Variants in SAMD13 observed in about 807,000 individuals in gnomAD.
SAMD13 encodes sterile alpha motif domain containing 13, also known as sterile alpha motif domain-containing protein 13.
In SAMD13, 9 loss-of-function variants were observed where a neutral mutation model predicts 12.4. The ratio of observed to expected loss-of-function variants is 0.72; its 90% CI spans 0.44 to 1.26. The LOEUF (loss-of-function observed/expected upper bound fraction) is 1.26. Among genes scored for constraint, SAMD13 ranks in the 50% most tolerant of loss-of-function variants. SAMD13 has a pLI of 0.00. For synonymous variants in SAMD13, 46 were observed against 45.4 expected, an observed-to-expected ratio of 1.01 and a Z score of -0.05; for missense variants, 84 against 119.6, an observed-to-expected ratio of 0.70 and a Z score of 1.39.
At chr1:84,306,644 C>CA (rs386367519) in intron 2 of SAMD13, among the ~76,000 whole-genome samples, 51,754 of 64,398 alleles carry the variant, frequency 0.8, 21,084 homozygotes, top group Non-Finnish European at 0.91. Context: ...CTAAAAATAC[C>CA]AAAAAAAAAA....
chr1:84,316,810 G>GA (rs1188317572), intron 2 of SAMD13, among the ~76,000 whole-genome samples: 2 of 151,984 alleles, frequency 1.3e-5, no homozygotes, highest in Non-Finnish European at 2.9e-5. Flanking sequence ...GGGTCATATG[G>GA]AAATTATAAC....
chr1:84,342,143 GC>G (rs1213861843), intron 3 of SAMD13, among the ~76,000 whole-genome samples: 3 of 152,108 alleles, frequency 2.0e-5, no homozygotes, highest in African/African-American at 7.2e-5. Flanking sequence ...CATCTCATTG[GC>G]CAGAGCTTAG....
At position 84,349,972 on chromosome 1, in the gene SAMD13, G is replaced by C. The variant is rs747659335; in HGVS notation, c.*198G>C. The C allele has an allele frequency of 6.3e-5, 76 of 1,204,958 alleles. No individual in the cohort carries two copies. Among genetic ancestry groups the C allele is most frequent in the Non-Finnish European group, 7.7e-5 (73 of 943,390 alleles). The allele number at this position is 1,204,958 out of a possible 1,614,324, so 74.6% of individuals were successfully genotyped here. On this transcript the variant is annotated 3_prime_UTR_variant, in exon 4 of 4. Coordinates refer to ENST00000394834, the MANE Select transcript of SAMD13 (RefSeq NM_001134663.2). ...GCCAGGAGGAGCAAGGACAAGATGC[G>C]CACAGGGTGGTTTTCCTCATGGATT...
intron 3 of SAMD13, among the ~76,000 whole-genome samples, chr1:84,347,239 G>A (rs975369652): frequency 1.3e-5 from 2 of 152,130 alleles, no homozygotes; most frequent in Non-Finnish European, 2.9e-5. Context: ...GGTTTAAGAG[G>A]AATGTTTGGT....
At chr1:84,323,362 A>G (rs946068056) in intron 2 of SAMD13, among the ~76,000 whole-genome samples, 1 of 152,162 alleles carries the variant, frequency 6.6e-6, no homozygotes, top group Non-Finnish European at 1.5e-5. Flanking sequence ...CATTAGGGTG[A>G]AAAATAGTTT....
At chr1:84,331,261 T>C (rs913321969) in intron 3 of SAMD13, among the ~76,000 whole-genome samples, 1 of 134,608 alleles carries the variant, frequency 7.4e-6, no homozygotes, top group Non-Finnish European at 1.5e-5. Flanking sequence ...AGATTTCTAA[T>C]TAGAACAGGG....
chr1:84,342,630 G>A (rs530815040), intron 3 of SAMD13, among the ~76,000 whole-genome samples: 1 of 152,234 alleles, frequency 6.6e-6, no homozygotes, highest in African/African-American at 2.4e-5. Flanking sequence ...TTAATAAATG[G>A]TGCTGGGAGA....
intron 3 of SAMD13, among the ~76,000 whole-genome samples, chr1:84,336,702 T>C (rs998735062): frequency 2.0e-5 from 3 of 152,110 alleles, no homozygotes; most frequent in African/African-American, 7.2e-5. Flanking sequence ...CATCCTCACA[T>C]TTCAAAACCA....
At position 84,338,432 on chromosome 1, in the gene SAMD13, CTTT is replaced by C. The variant is rs201864672; in HGVS notation, c.166-11178_166-11176del. On this transcript the variant is annotated intron_variant, in intron 3 of 3. Transcript: ENST00000394834. ...AGCTGGTACAGGGGAACTCATCTCT[CTTT>C]TTTTTTTTTTTTTTTTTTTTAAGAT... 3.2e-3 allele frequency among the ~76,000 whole-genome samples: 323 copies of C among 100,652 alleles called. 1 individual carries two copies. The highest frequency in any genetic ancestry group is 0.011 in the African/African-American group (292 of 25,444). The allele number at this position is 100,652 out of a possible 152,430, so 66.0% of individuals were successfully genotyped here.
chr1:84,299,867 G>C (rs1305829115), upstream of SAMD13, among the ~76,000 whole-genome samples: 1 of 152,006 alleles, frequency 6.6e-6, no homozygotes, highest in Non-Finnish European at 1.5e-5. Flanking sequence ...ATCACAGCAG[G>C]CCAGATGGGA....
At chr1:84,324,510 C>T (rs150531978) in intron 2 of SAMD13, among the ~76,000 whole-genome samples, 186 of 152,244 alleles carry the variant, frequency 1.2e-3, no homozygotes, top group African/African-American at 4.0e-3. Flanking sequence ...CATAACTTGC[C>T]GCTGTACATT....
intron 3 of SAMD13, among the ~76,000 whole-genome samples, chr1:84,341,639 G>T (rs571467892): frequency 2.3e-4 from 35 of 152,108 alleles, no homozygotes; most frequent in Non-Finnish European, 4.0e-4. Flanking sequence ...TAGCTCCCTG[G>T]TCAATCATTG....
upstream of SAMD13, chr1:84,299,551 C>T: frequency 7.0e-7 from 1 of 1,435,794 alleles, no homozygotes; most frequent in Admixed American, 2.4e-5. Context: ...CCACATAGTG[C>T]ACACATCACA....
chr1:84,307,163 C>G (rs182981876), intron 2 of SAMD13, among the ~76,000 whole-genome samples: 1 of 152,202 alleles, frequency 6.6e-6, no homozygotes, highest in African/African-American at 2.4e-5. Context: ...TTTGGGGACT[C>G]CAATTTTATG....
At chr1:84,349,000 A>C (rs958034723) in intron 3 of SAMD13, among the ~76,000 whole-genome samples, 2 of 152,164 alleles carry the variant, frequency 1.3e-5, no homozygotes, top group African/African-American at 4.8e-5. Context: ...TGCAATTGTG[A>C]GGACTCCAGG....
rs1678975374 is a variant in SAMD13 at position 84,322,810 on chromosome 1, A to T, written c.54-2827A>T. ...CATGGTACACTGCCAGCAGTTTTAC[A>T]AGTCTTTCTTCTCTGTGGCATTGCT... On this transcript the variant is annotated intron_variant, in intron 2 of 3. Coordinates refer to ENST00000394834, the MANE Select transcript of SAMD13 (RefSeq NM_001134663.2). 2.6e-5 allele frequency among the ~76,000 whole-genome samples: 4 copies of T among 152,098 alleles called. No individual in the cohort carries two copies. The South Asian group carries it at 8.3e-4, about 32-fold the overall frequency.
At chr1:84,299,908 A>T (rs929987547), upstream of SAMD13, among the ~76,000 whole-genome samples, 3 of 152,066 alleles carry the variant, frequency 2.0e-5, no homozygotes, top group African/African-American at 7.2e-5. Context: ...GCAGGAAGAG[A>T]TGCTTGGAAA....
intron 3 of SAMD13, among the ~76,000 whole-genome samples, chr1:84,326,374 G>T (rs114326228): frequency 6.6e-6 from 1 of 152,144 alleles, no homozygotes. Flanking sequence ...TACACACAGT[G>T]CCTATGATAG....
intron 2 of SAMD13, among the ~76,000 whole-genome samples, chr1:84,315,308 A>T (rs150920460): frequency 1.3e-5 from 2 of 152,076 alleles, no homozygotes; most frequent in South Asian, 4.1e-4. Flanking sequence ...AGTTTATTTT[A>T]GATACCTCAT....
Sources: allele counts gnomAD v4.1 joint callset (sites outside exome capture counted in the v4.1 genomes callset), GRCh38; gene constraint gnomAD v4.1.1; transcripts MANE v1.5; gene names NCBI Gene and HGNC (gene_info 2026-07-23, HGNC 2026-07-21).